The following MDGA2 variants were observed in gnomAD, a reference collection of about 807,000 sequenced individuals.
MDGA2 encodes MAM domain containing glycosylphosphatidylinositol anchor 2, also known as MAM domain-containing glycosylphosphatidylinositol anchor protein 2.
In MDGA2, 40 loss-of-function variants were observed where a neutral mutation model predicts 117.8. The ratio of observed to expected loss-of-function variants is 0.34; its 90% CI spans 0.26 to 0.44. MDGA2 has a LOEUF of 0.44. Ranked by LOEUF, MDGA2 falls within the 20% of genes least tolerant of loss-of-function variation. The pLI is 1.00. For synonymous variants in MDGA2, 452 were observed against 439.0 expected (o/e 1.03, Z -0.37); for missense variants, 1,123 against 1,250.6 (o/e 0.90, Z 1.54).
intron 1 of MDGA2, among the ~76,000 whole-genome samples, chr14:47,377,864 G>C (rs1396296609): frequency 1.3e-5 from 2 of 152,116 alleles, no homozygotes; most frequent in Non-Finnish European, 2.9e-5. Flanking sequence ...GAGAGTAGTG[G>C]TTCTCCCAGC....
chr14:47,522,300 T>C (rs1894883947), intron 1 of MDGA2, among the ~76,000 whole-genome samples: 1 of 151,542 alleles, frequency 6.6e-6, no homozygotes, highest in Non-Finnish European at 1.5e-5. Flanking sequence ...TATATTTATA[T>C]GTGTGGGTAT....
At chr14:47,447,759 T>C (rs991991190) in intron 1 of MDGA2, among the ~76,000 whole-genome samples, 1 of 152,196 alleles carries the variant, frequency 6.6e-6, no homozygotes, top group African/African-American at 2.4e-5. Context: ...TCACTCCTAA[T>C]GCAGTGAGCT....
intron 1 of MDGA2, among the ~76,000 whole-genome samples, chr14:47,527,638 G>A (rs144339494): frequency 6.6e-6 from 1 of 152,300 alleles, no homozygotes; most frequent in Non-Finnish European, 1.5e-5. Context: ...TCTGGAGCAA[G>A]AGAACAGAGT....
At chr14:47,292,048 T>C (rs1481397676) in intron 2 of MDGA2, among the ~76,000 whole-genome samples, 1 of 152,258 alleles carries the variant, frequency 6.6e-6, no homozygotes, top group Admixed American at 6.5e-5. Context: ...GGTGTGATTT[T>C]GTTCCAGTGA....
intron 1 of MDGA2, among the ~76,000 whole-genome samples, chr14:47,472,390 G>A (rs565222592): frequency 6.6e-6 from 1 of 152,264 alleles, no homozygotes; most frequent in African/African-American, 2.4e-5. Context: ...CTACAAATCT[G>A]TGCAGCAAGT....
At chr14:47,380,261 G>A (rs889633642) in intron 1 of MDGA2, among the ~76,000 whole-genome samples, 6 of 152,082 alleles carry the variant, frequency 3.9e-5, no homozygotes. Context: ...GCCCACAAGA[G>A]AAAGCAGGAA....
chr14:47,125,231 C>A (rs970763593), intron 5 of MDGA2, among the ~76,000 whole-genome samples: 5 of 152,072 alleles, frequency 3.3e-5, no homozygotes, highest in African/African-American at 1.2e-4. Context: ...CTTACACTGG[C>A]TGTCTATGAC....
At chr14:47,144,439 G>A (rs138487525) in intron 3 of MDGA2, among the ~76,000 whole-genome samples, 165 bp from the exon 4 acceptor site, 35 of 152,074 alleles carry the variant, frequency 2.3e-4, no homozygotes, top group African/African-American at 7.5e-4. Context: ...TTACAAAGAC[G>A]TTTCCAATGA....
chr14:47,502,686 G>C (rs531315880), intron 1 of MDGA2, among the ~76,000 whole-genome samples: 4 of 151,732 alleles, frequency 2.6e-5, no homozygotes, highest in African/African-American at 9.7e-5. Flanking sequence ...TTTTTTTGGG[G>C]GGGACAGAGT....
At chr14:47,591,095 G>T (rs1056525002) in intron 1 of MDGA2, among the ~76,000 whole-genome samples, 5 of 152,038 alleles carry the variant, frequency 3.3e-5, no homozygotes, top group Non-Finnish European at 5.9e-5. Context: ...CAAAAGAAAT[G>T]ATTCTAGTCT....
At chr14:47,061,182 T>G in intron 7 of MDGA2, 67 bp downstream of exon 7, 1 of 1,406,548 alleles carries the variant, frequency 7.1e-7, no homozygotes, top group Non-Finnish European at 9.7e-7. Context: ...TAAAACCTAC[T>G]TGATCTGTTA....
intron 6 of MDGA2, among the ~76,000 whole-genome samples, chr14:47,073,785 A>G (rs893972133): frequency 4.6e-5 from 7 of 152,224 alleles, no homozygotes; most frequent in Non-Finnish European, 8.8e-5. Context: ...GTACTGGAAT[A>G]GGAATTCGTA....
At chr14:47,455,890 G>A (rs944134411) in intron 1 of MDGA2, among the ~76,000 whole-genome samples, 13 of 151,884 alleles carry the variant, frequency 8.6e-5, no homozygotes, top group South Asian at 2.1e-4. Flanking sequence ...CCAGTTACTC[G>A]GGAGGCTGAG....
chr14:47,176,019 G>A (rs540294504), intron 3 of MDGA2, among the ~76,000 whole-genome samples: 17 of 152,138 alleles, frequency 1.1e-4, no homozygotes, highest in Non-Finnish European at 2.1e-4. Context: ...GATGAACAGA[G>A]AGCCAAATCA....
intron 9 of MDGA2, among the ~76,000 whole-genome samples, chr14:46,940,389 G>A (rs1884951892): frequency 6.6e-6 from 1 of 152,136 alleles, no homozygotes; most frequent in South Asian, 2.1e-4. Flanking sequence ...AGCACGTTGG[G>A]AGTCTGAGGA....
chr14:47,335,004 C>T (rs1050850638), intron 1 of MDGA2, among the ~76,000 whole-genome samples: 1 of 151,776 alleles, frequency 6.6e-6, no homozygotes, highest in Admixed American at 6.6e-5. Context: ...TGTAAGATAG[C>T]AGTAAAATTA....
intron 3 of MDGA2, among the ~76,000 whole-genome samples, chr14:47,152,309 T>G (rs1883193257): frequency 6.6e-6 from 1 of 152,178 alleles, no homozygotes. Context: ...TTGCAATATT[T>G]TTTTGAGTTT....
At chr14:46,962,565 T>C (rs1364379245) in intron 8 of MDGA2, among the ~76,000 whole-genome samples, 1 of 152,238 alleles carries the variant, frequency 6.6e-6, no homozygotes, top group Non-Finnish European at 1.5e-5. Context: ...ACTTCTTTCA[T>C]TAAATTTGAC....
At chr14:47,473,241 T>C (rs1449214155) in intron 1 of MDGA2, among the ~76,000 whole-genome samples, 1 of 152,182 alleles carries the variant, frequency 6.6e-6, no homozygotes, top group African/African-American at 2.4e-5. Flanking sequence ...TGCTCTGTGG[T>C]TCTAATTCCA....
Sources: gnomAD v4.1 joint callset for allele counts (sites outside exome capture counted in the v4.1 genomes callset) on GRCh38, gnomAD v4.1.1 for gene constraint, MANE v1.5 for transcripts, NCBI Gene and HGNC (gene_info 2026-07-23, HGNC 2026-07-21) for gene names.